The following DMD variants were observed in gnomAD, a reference collection of about 807,000 sequenced individuals.
The protein encoded by DMD is mutant dystrophin.
A neutral mutation model predicts 330.1 loss-of-function variants in DMD; 63 were observed. That is an observed-to-expected ratio of 0.19 (90% CI 0.16 to 0.24). The LOEUF (loss-of-function observed/expected upper bound fraction) is 0.24, where lower values mean the gene tolerates loss of function less well. DMD is among the 10% of genes least tolerant of loss of function. The pLI is 1.00. For missense variants in DMD, 3,344 were observed against 2,684.1 expected (o/e 1.25, Z -5.43); for synonymous variants, 1,223 against 959.8 (o/e 1.27, Z -5.07).
At chrX:31,367,393 A>T (rs952290353) in intron 60 of DMD, among the ~76,000 whole-genome samples, 1 of 111,319 alleles carries the variant, frequency 9.0e-6, no homozygotes, top group Non-Finnish European at 1.9e-5. Flanking sequence ...TATAATTTTG[A>T]AAAATTAAAC....
intron 6 of DMD, among the ~76,000 whole-genome samples, chrX:32,812,627 C>T (rs999545948): frequency 3.6e-5 from 4 of 111,854 alleles, no homozygotes; most frequent in South Asian, 3.7e-4. Context: ...AGCGAGACTC[C>T]GTCTCAAAAA....
intron 1 of DMD, among the ~76,000 whole-genome samples, chrX:33,030,891 C>T (rs1448735845): frequency 1.8e-5 from 2 of 111,850 alleles, no homozygotes; most frequent in African/African-American, 6.5e-5. Context: ...GCACGACACA[C>T]AACAGCCATT....
intron 67 of DMD, among the ~76,000 whole-genome samples, chrX:31,183,273 C>T (rs1428840288): frequency 9.2e-6 from 1 of 108,928 alleles, no homozygotes; most frequent in Admixed American, 1.0e-4. Context: ...CAGGTGTTTA[C>T]TGATAAAATT....
At chrX:32,945,766 A>G (rs1431844887) in intron 2 of DMD, among the ~76,000 whole-genome samples, 1 of 111,674 alleles carries the variant, frequency 9.0e-6, no homozygotes, top group Admixed American at 9.6e-5. Flanking sequence ...TTCATAACTA[A>G]AAAGTATTGT....
intron 2 of DMD, among the ~76,000 whole-genome samples, chrX:33,017,447 G>A (rs1303137075): frequency 9.0e-6 from 1 of 111,134 alleles, no homozygotes; most frequent in Non-Finnish European, 1.9e-5. Context: ...TTTTATAGTT[G>A]TATGAATGTG....
At chrX:32,231,333 C>T (rs331362) in intron 43 of DMD, among the ~76,000 whole-genome samples, 27,464 of 111,162 alleles carry the variant, frequency 0.25, 2,648 homozygotes, top group Non-Finnish European at 0.29. Flanking sequence ...GGTGAGAATA[C>T]GAATTCCAAA....
At chrX:33,066,710 G>C (rs1215977178) in intron 1 of DMD, among the ~76,000 whole-genome samples, 1 of 110,698 alleles carries the variant, frequency 9.0e-6, no homozygotes, top group Non-Finnish European at 1.9e-5. Flanking sequence ...GTTTATGTAC[G>C]GGCATAGTGC....
chrX:32,327,862 C>A (rs986750060), intron 41 of DMD, among the ~76,000 whole-genome samples: 31 of 111,782 alleles, frequency 2.8e-4, no homozygotes, highest in African/African-American at 1.0e-3. Context: ...TTGGATATGA[C>A]TGTTCCTCCC....
chrX:31,972,140 CAT>C (rs1480625111), intron 44 of DMD, among the ~76,000 whole-genome samples: 4 of 111,493 alleles, frequency 3.6e-5, no homozygotes, highest in Non-Finnish European at 5.7e-5. Context: ...AGGTTACAAA[CAT>C]GTGCAGAGAG....
At chrX:31,215,628 T>C (rs1455561266) in intron 64 of DMD, among the ~76,000 whole-genome samples, 1 of 112,423 alleles carries the variant, frequency 8.9e-6, no homozygotes, top group Non-Finnish European at 1.9e-5. Flanking sequence ...TTTATAACAA[T>C]CTCAATAAAC....
intron 61 of DMD, among the ~76,000 whole-genome samples, chrX:31,344,646 C>T (rs1405725887): frequency 1.8e-5 from 2 of 110,131 alleles, no homozygotes; most frequent in Non-Finnish European, 3.8e-5. Flanking sequence ...GCCACAAGTT[C>T]GAGACCAGCC....
At chrX:32,598,116 T>A (rs1445868358) in intron 12 of DMD, among the ~76,000 whole-genome samples, 3 of 112,189 alleles carry the variant, frequency 2.7e-5, no homozygotes, top group Non-Finnish European at 5.6e-5. Flanking sequence ...TTTCGAAGCC[T>A]CAACATTTTA....
intron 44 of DMD, among the ~76,000 whole-genome samples, chrX:31,974,849 C>G (rs1387981164): frequency 9.1e-6 from 1 of 110,188 alleles, no homozygotes; most frequent in Non-Finnish European, 1.9e-5. Context: ...TACCTAATAT[C>G]AAATTGTAAT....
At chrX:31,762,734 A>G (rs1264758456) in intron 51 of DMD, among the ~76,000 whole-genome samples, 1 of 111,921 alleles carries the variant, frequency 8.9e-6, no homozygotes, top group East Asian at 2.8e-4. Flanking sequence ...AACTATCTGG[A>G]TAAGCCACTG....
At chrX:31,809,113 A>G (rs113658134) in intron 50 of DMD, among the ~76,000 whole-genome samples, 1 of 106,344 alleles carries the variant, frequency 9.4e-6, no homozygotes, top group Non-Finnish European at 1.9e-5. Flanking sequence ...AATCTCTTAT[A>G]TATATATGAG....
At chrX:31,672,446 T>C (rs1431167252) in intron 53 of DMD, among the ~76,000 whole-genome samples, 1 of 112,327 alleles carries the variant, frequency 8.9e-6, no homozygotes, top group Non-Finnish European at 1.9e-5. Flanking sequence ...CTTTTTCAAG[T>C]GTCTATTTCC....
At chrX:32,065,551 A>T (rs2096254262) in intron 44 of DMD, among the ~76,000 whole-genome samples, 2 of 112,075 alleles carry the variant, frequency 1.8e-5, no homozygotes, top group Non-Finnish European at 3.8e-5. Context: ...CATATCCTGT[A>T]TTTGAAAGTG....
At chrX:32,311,619 C>T (rs956764839) in intron 41 of DMD, among the ~76,000 whole-genome samples, 1 of 111,471 alleles carries the variant, frequency 9.0e-6, no homozygotes, top group African/African-American at 3.3e-5. Context: ...ATCCATGGCA[C>T]ACATTCCTTC....
chrX:32,991,259 TTC>T (rs946422582), intron 2 of DMD, among the ~76,000 whole-genome samples: 4 of 80,336 alleles, frequency 5.0e-5, no homozygotes, highest in African/African-American at 1.6e-4. Flanking sequence ...AGGATTTGAT[TTC>T]TCTTATATTC....
Sources: allele counts gnomAD v4.1 joint callset (sites outside exome capture counted in the v4.1 genomes callset), GRCh38; gene constraint gnomAD v4.1.1; transcripts MANE v1.5; gene names NCBI Gene and HGNC (gene_info 2026-07-23, HGNC 2026-07-21).